The following PPP2R2B variants were observed in gnomAD, a reference collection of about 807,000 sequenced individuals.
PPP2R2B encodes the protein protein phosphatase 2 regulatory subunit Bbeta.
Under a neutral mutation model 46.0 loss-of-function variants are expected in PPP2R2B, and 5 were observed. The ratio of observed to expected loss-of-function variants is 0.11; its 90% CI spans 0.06 to 0.23. The LOEUF (loss-of-function observed/expected upper bound fraction) is 0.23. Among genes scored for constraint, PPP2R2B ranks in the 10% least tolerant of loss-of-function variants. The pLI is 1.00. For missense variants in PPP2R2B, 367 were observed against 575.0 expected (o/e 0.64, Z 3.70); for synonymous variants, 215 against 206.7 (o/e 1.04, Z -0.34).
rs78210775 is a variant in PPP2R2B at position 146,979,718 on chromosome 5, A to G, written c.79+75947T>C. The stretch of plus-strand genomic sequence containing the variant: ...ATGTAATGTTTTACCTCATACATAC[A>G]TACCAATGATAAAGTTTAATTTACA... On this transcript the variant is annotated intron_variant, in intron 1 of 8. Transcript: ENST00000336640. 6.3e-3 allele frequency among the ~76,000 whole-genome samples: 957 copies of G among 152,348 alleles called. 32 individuals are homozygous for G. Among genetic ancestry groups the G allele is most frequent in the East Asian group, 0.045 (234 of 5,192 alleles).
At chr5:146,802,359 C>A (rs556787534) in intron 2 of PPP2R2B, among the ~76,000 whole-genome samples, 1 of 152,216 alleles carries the variant, frequency 6.6e-6, no homozygotes, top group South Asian at 2.1e-4. Context: ...AGGGGGGTGG[C>A]AAATGAATAC....
chr5:147,058,927 C>T (rs1161817335), upstream of PPP2R2B, among the ~76,000 whole-genome samples: 2 of 152,188 alleles, frequency 1.3e-5, no homozygotes, highest in African/African-American at 4.8e-5. Context: ...TCACAGTCCT[C>T]AAGCCAATGG....
At chr5:146,790,653 A>G (rs2151293762) in intron 2 of PPP2R2B, among the ~76,000 whole-genome samples, 1 of 152,368 alleles carries the variant, frequency 6.6e-6, no homozygotes, top group South Asian at 2.1e-4. Context: ...GCACTGAGCC[A>G]TAAGGCAGCA....
intron 5 of PPP2R2B, among the ~76,000 whole-genome samples, chr5:146,690,223 A>G (rs1012565544): frequency 3.3e-5 from 5 of 152,156 alleles, no homozygotes; most frequent in Non-Finnish European, 5.9e-5. Context: ...TGCCTGCTTT[A>G]CTGCTCACAT....
At chr5:146,741,027 C>T (rs1266869088) in intron 2 of PPP2R2B, among the ~76,000 whole-genome samples, 3 of 111,442 alleles carry the variant, frequency 2.7e-5, no homozygotes, top group Non-Finnish European at 5.8e-5. Flanking sequence ...CAGAGCAAGA[C>T]TCCGTCTCAA....
chr5:146,783,041 G>GGTA, intron 2 of PPP2R2B, among the ~76,000 whole-genome samples: 1 of 152,138 alleles, frequency 6.6e-6, no homozygotes, highest in East Asian at 1.9e-4. Flanking sequence ...GAAAAAGTAA[G>GGTA]TAGGTATAGG....
chr5:146,860,848 T>G (rs947977930), intron 2 of PPP2R2B, among the ~76,000 whole-genome samples: 3 of 152,094 alleles, frequency 2.0e-5, no homozygotes, highest in Non-Finnish European at 4.4e-5. Context: ...AATGATTGGC[T>G]GAGATCAGAG....
intron 2 of PPP2R2B, among the ~76,000 whole-genome samples, chr5:146,766,772 G>A (rs1222311747): frequency 1.3e-5 from 2 of 152,120 alleles, no homozygotes; most frequent in Non-Finnish European, 2.9e-5. Flanking sequence ...CTTGGCAGAA[G>A]GTGGGGCACG....
At chr5:147,079,469 T>TATATATATATATATATAC (rs1491141938) in intron 2 of PPP2R2B, among the ~76,000 whole-genome samples, 38 of 139,022 alleles carry the variant, frequency 2.7e-4, no homozygotes, top group African/African-American at 8.8e-4. Flanking sequence ...TATATATATA[T>TATATATATATATATATAC]ACATGTGCAA....
chr5:147,022,801 G>C (rs1214217836), intron 1 of PPP2R2B, among the ~76,000 whole-genome samples: 1 of 151,856 alleles, frequency 6.6e-6, no homozygotes, highest in African/African-American at 2.4e-5. Flanking sequence ...GATAATGGGA[G>C]AATCTAGAGT....
chr5:146,601,506 ACTGCAC>A (rs1487239256), intron 7 of PPP2R2B, among the ~76,000 whole-genome samples: 1 of 152,138 alleles, frequency 6.6e-6, no homozygotes, highest in African/African-American at 2.4e-5. Context: ...CTATTGGGCC[ACTGCAC>A]CCCAGCCTGG....
chr5:147,055,506 T>G (rs1757041146), intron 1 of PPP2R2B, among the ~76,000 whole-genome samples: 1 of 152,230 alleles, frequency 6.6e-6, no homozygotes, highest in Non-Finnish European at 1.5e-5. Flanking sequence ...CAAGACAGAC[T>G]GATTTCAGAA....
At chr5:147,071,406 C>A (rs191200892) in intron 2 of PPP2R2B, among the ~76,000 whole-genome samples, 1 of 152,218 alleles carries the variant, frequency 6.6e-6, no homozygotes, top group Non-Finnish European at 1.5e-5. Flanking sequence ...CTCTCTATTT[C>A]ATTCAGGCAG....
intron 2 of PPP2R2B, among the ~76,000 whole-genome samples, chr5:146,715,286 T>C (rs533688235): frequency 6.6e-6 from 1 of 152,298 alleles, no homozygotes; most frequent in South Asian, 2.1e-4. Context: ...TTTCCTGCAG[T>C]ATGACTACAG....
At chr5:147,061,256 A>G (rs566429374) in intron 2 of PPP2R2B, among the ~76,000 whole-genome samples, 1 of 152,128 alleles carries the variant, frequency 6.6e-6, no homozygotes, top group South Asian at 2.1e-4. Flanking sequence ...AGGTGGTGAA[A>G]AGTAGAATGA....
At chr5:146,602,532 C>G (rs1451326333) in intron 7 of PPP2R2B, among the ~76,000 whole-genome samples, 1 of 152,224 alleles carries the variant, frequency 6.6e-6, no homozygotes. Context: ...GAACCAAACA[C>G]TGGCCTGCAG....
chr5:146,901,833 G>T (rs912432614), intron 1 of PPP2R2B, among the ~76,000 whole-genome samples: 3 of 152,168 alleles, frequency 2.0e-5, no homozygotes, highest in African/African-American at 7.2e-5. Flanking sequence ...GGTTGCATTA[G>T]AAGGAAATGG....
intron 7 of PPP2R2B, among the ~76,000 whole-genome samples, chr5:146,622,479 C>T (rs1372934371): frequency 6.6e-6 from 1 of 152,186 alleles, no homozygotes; most frequent in African/African-American, 2.4e-5. Context: ...CTATGATATA[C>T]AGCCTCTTTC....
In PPP2R2B at chr5:147,049,058, C is replaced by T. The variant is rs182742583; in HGVS notation, c.79+6607G>A. 7.5e-4 allele frequency among the ~76,000 whole-genome samples: 111 copies of T among 148,922 alleles called. 2 individuals are homozygous for T. In the East Asian group the frequency reaches 0.021, roughly 28 times the overall value. Reference sequence around the variant, plus strand: ...AACTAGCTGGGGGTGAGAGGAGAGGCAGAGAGAGAGAGAAATCGATCTTGA... The same window carrying T: ...AACTAGCTGGGGGTGAGAGGAGAGGTAGAGAGAGAGAGAAATCGATCTTGA... On this transcript the variant is annotated intron_variant, in intron 1 of 8. Coordinates refer to the PPP2R2B transcript ENST00000336640.
Sources: gnomAD v4.1 joint callset for allele counts (sites outside exome capture counted in the v4.1 genomes callset) on GRCh38, gnomAD v4.1.1 for gene constraint, MANE v1.5 for transcripts, NCBI Gene and HGNC (gene_info 2026-07-23, HGNC 2026-07-21) for gene names.